KMT2C: variants seen among roughly 807,000 people sequenced by gnomAD.
KMT2C encodes histone-lysine N-methyltransferase 2C.
In KMT2C, 88 loss-of-function variants were observed where a neutral mutation model predicts 507.9. The observed-to-expected ratio is 0.17, with a 90% CI of 0.15 to 0.21. The LOEUF (loss-of-function observed/expected upper bound fraction) is 0.21. Among genes scored for constraint, KMT2C ranks in the 10% least tolerant of loss-of-function variants. KMT2C has a pLI of 1.00. For missense variants in KMT2C, 4,954 were observed against 5,957.8 expected, an observed-to-expected ratio of 0.83 and a Z score of 5.55; for synonymous variants, 2,049 against 2,080.8, an observed-to-expected ratio of 0.98 and a Z score of 0.42.
chr7:152,169,135 G>T, intron 41 of KMT2C, 51 bp downstream of exon 41: 1 of 1,131,712 alleles, frequency 8.8e-7, no homozygotes. Context: ...CACACATAGA[G>T]TGCAGACAAG....
In KMT2C at chr7:152,280,537, C is replaced by CAAGA. The variant is rs567182578; in HGVS notation, c.850-6674_850-6671dup. Among the ~76,000 whole-genome samples the CAAGA allele has an allele frequency of 5.6e-4, 85 of 151,920 alleles. No individual in the cohort carries two copies. The East Asian group carries it at 0.013, about 23-fold the overall frequency. On this transcript the variant is annotated intron_variant, in intron 6 of 58. Transcript: ENST00000262189. The stretch of plus-strand genomic sequence containing the variant: ...CTGCACTCCAGCCTGGGCGGCAGAT[C>CAAGA]AAGAAAGAAAGAAAGAAAATGGCGA...
chr7:152,218,330 A>T lies in KMT2C; in HGVS notation c.3712+2193T>A, dbSNP rs2094643836. Among the ~76,000 whole-genome samples the T allele has an allele frequency of 8.6e-5, 13 of 151,920 alleles. No individual in the cohort carries two copies. The South Asian group carries it at 2.7e-3, about 32-fold the overall frequency. On this transcript the variant is annotated intron_variant, in intron 23 of 58. Coordinates refer to ENST00000262189, the MANE Select transcript of KMT2C (RefSeq NM_170606.3). ...AGGTGCCTGCCACCACACCCAGCTAATTTTTGTATTTTTAGTAGAGATGAG... is the reference window on the plus strand; with the variant it reads ...AGGTGCCTGCCACCACACCCAGCTATTTTTTGTATTTTTAGTAGAGATGAG...
rs770827883 is a variant in KMT2C at position 152,248,516 on chromosome 7, C to T, written c.1918G>A (p.Glu640Lys). 7 of 1,613,784 alleles carry T rather than the reference C, an allele frequency of 4.3e-6. No homozygotes were observed. The highest frequency in any genetic ancestry group is 4.0e-5 in the African/African-American group (3 of 74,904). ...TCCATTTTATCTTCAATTTGATCTT[C>T]GCCACAAATATGCTTCACTTCAGAA... ...MSSEVKHICGEDQIEDKMEVT... is the reference protein window; with the variant it reads ...MSSEVKHICGKDQIEDKMEVT... The change falls in exon 14 of 59, where the codon GAA (glutamate) becomes AAA (lysine). Residue 640 changes from glutamate to lysine, a missense_variant. This residue lies in a region of KMT2C where 376 missense variants were observed against 352.4 expected (regional missense o/e 1.07). Transcript: ENST00000262189.
chr7:152,137,475 G>GC (rs1474051654), intron 58 of KMT2C: 9 of 152,738 alleles, frequency 5.9e-5, no homozygotes, highest in African/African-American at 2.2e-4. Flanking sequence ...TCAGTGCGCG[G>GC]CCCTGCAACC....
At chr7:152,190,637 A>G (rs1361921869) in intron 31 of KMT2C, among the ~76,000 whole-genome samples, 1 of 152,100 alleles carries the variant, frequency 6.6e-6, no homozygotes, top group East Asian at 1.9e-4. Context: ...TAGTCATATT[A>G]GTTTATAAAA....
chr7:152,158,700 G>C (rs2092257577), intron 44 of KMT2C, among the ~76,000 whole-genome samples, 163 bp downstream of exon 44: 1 of 151,988 alleles, frequency 6.6e-6, no homozygotes, highest in African/African-American at 2.4e-5. Context: ...ATTTTTCGTA[G>C]AGATGAGGTT....
rs1201357569 is a variant in KMT2C, at chr7:152,291,481, T to C, written c.850-17614A>G. Among the ~76,000 whole-genome samples, 20 of 152,402 alleles carry C rather than the reference T, an allele frequency of 1.3e-4. No homozygotes were observed. The East Asian group carries it at 3.7e-3, about 28-fold the overall frequency. On this transcript the variant is annotated intron_variant, in intron 6 of 58. Coordinates refer to ENST00000262189, the MANE Select transcript of KMT2C (RefSeq NM_170606.3). ...CTGACATTTAACAAGCTTTGTAAATTTGTCCAACTCAAGTCTTTCTGCTCC... is the reference window on the plus strand; with the variant it reads ...CTGACATTTAACAAGCTTTGTAAATCTGTCCAACTCAAGTCTTTCTGCTCC...
At chr7:152,214,245 C>G (rs1047622236) in intron 23 of KMT2C, among the ~76,000 whole-genome samples, 6 of 151,954 alleles carry the variant, frequency 3.9e-5, no homozygotes, top group African/African-American at 7.3e-5. Context: ...AAATCAGCAT[C>G]TGAGAGAGAC....
chr7:152,195,621 G>A (rs1448554347), intron 28 of KMT2C: 3 of 822,230 alleles, frequency 3.6e-6, no homozygotes, highest in East Asian at 2.5e-4. Context: ...AGCAGGAAGT[G>A]AGGGAAAATA....
At chr7:152,257,081 T>A (rs556984749) in intron 9 of KMT2C, among the ~76,000 whole-genome samples, 1 of 152,188 alleles carries the variant, frequency 6.6e-6, no homozygotes, top group Non-Finnish European at 1.5e-5. Context: ...TCATTTATAA[T>A]GCAAAATATC....
chr7:152,340,356 T>C (rs1311438587), intron 2 of KMT2C, among the ~76,000 whole-genome samples: 2 of 152,098 alleles, frequency 1.3e-5, no homozygotes, highest in Non-Finnish European at 2.9e-5. Flanking sequence ...ATACTTTTCA[T>C]GCTTGCTTCC....
chr7:152,333,288 C>T (rs2096901338), intron 2 of KMT2C, among the ~76,000 whole-genome samples: 1 of 152,050 alleles, frequency 6.6e-6, no homozygotes, highest in Non-Finnish European at 1.5e-5. Context: ...CATGTCACCA[C>T]ATTCTTTTTC....
chr7:152,310,013 G>C lies in KMT2C; in HGVS notation c.802C>G (p.Pro268Ala). The change falls in exon 6 of 59, where the codon CCA becomes GCA. Residue 268 changes from proline (P) to alanine (A), a missense_variant. Physicochemically the swap from Pro to Ala is conservative, Grantham distance 27 (BLOSUM62 -1). Around this residue, in one of 29 missense-constraint regions of KMT2C, gnomAD observed 233 missense variants for 263.6 expected, o/e 0.88. Coordinates refer to ENST00000262189, the MANE Select transcript of KMT2C (RefSeq NM_170606.3). Reference protein sequence around the residue: ...WSLGVCQMEEPLLVNVDKAVV... With the variant: ...WSLGVCQMEEALLVNVDKAVV... The stretch of plus-strand genomic sequence containing the variant: ...GCTTTGTCCACGTTCACTAACAATG[G>C]TTCTTCCATCTGGCATACTCCTAGT... The C allele has an allele frequency of 6.2e-7, 1 of 1,613,830 alleles. No homozygotes were observed.
rs78570993 is a variant in KMT2C, at chr7:152,416,998, G to A, written c.161+18628C>T. On this transcript the variant is annotated intron_variant, in intron 1 of 58. Transcript: ENST00000262189. The stretch of plus-strand genomic sequence containing the variant: ...TGGGAGGCAGAGGTTGTGGAGAGCC[G>A]AGATGGCACCACTGCACTCTAGCCT... Among the ~76,000 whole-genome samples, 1,324 of 141,648 alleles carry A rather than the reference G, an allele frequency of 9.3e-3. 29 individuals carry two copies. Among genetic ancestry groups the A allele is most frequent in the African/African-American group, 0.034 (1,275 of 37,308 alleles). 92.9% of individuals were successfully genotyped at this position (141,648 alleles called of 152,430 possible).
At chr7:152,420,853 T>C (rs1461137363) in intron 1 of KMT2C, among the ~76,000 whole-genome samples, 1 of 150,664 alleles carries the variant, frequency 6.6e-6, no homozygotes, top group Non-Finnish European at 1.5e-5. Flanking sequence ...AGGCCTAATA[T>C]ACAGAATCTG....
At chr7:152,311,424 G>T (rs763132966) in intron 5 of KMT2C, among the ~76,000 whole-genome samples, 2 of 152,032 alleles carry the variant, frequency 1.3e-5, no homozygotes, top group Non-Finnish European at 2.9e-5. Context: ...TAATCTACCC[G>T]GCTAAGACCT....
At chr7:152,370,643 A>G (rs114362864) in intron 1 of KMT2C, among the ~76,000 whole-genome samples, 1,836 of 152,338 alleles carry the variant, frequency 0.012, 42 homozygotes, top group African/African-American at 0.043. Flanking sequence ...ACTCAGGAAC[A>G]TAAGAAGAGT....
intron 6 of KMT2C, among the ~76,000 whole-genome samples, chr7:152,276,175 T>A (rs1406880027): frequency 6.6e-6 from 1 of 152,176 alleles, no homozygotes; most frequent in East Asian, 1.9e-4. Context: ...AACCCATCTG[T>A]TACAATTAAA....
intron 6 of KMT2C, among the ~76,000 whole-genome samples, chr7:152,307,029 C>A (rs188507779): frequency 6.6e-6 from 1 of 152,160 alleles, no homozygotes; most frequent in East Asian, 1.9e-4. Flanking sequence ...CGAGGTGGCG[C>A]ATGCCTGTGG....
Sources: allele counts gnomAD v4.1 joint callset (sites outside exome capture counted in the v4.1 genomes callset), GRCh38; gene constraint gnomAD v4.1.1; regional missense constraint gnomAD v4.1.1; transcripts MANE v1.5; gene names NCBI Gene and HGNC (gene_info 2026-07-23, HGNC 2026-07-21).